CPNE2: variants seen among roughly 807,000 people sequenced by gnomAD.
The protein encoded by CPNE2 is copine-2.
Under a neutral mutation model 69.7 loss-of-function variants are expected in CPNE2, and 42 were observed. The ratio of observed to expected loss-of-function variants is 0.60; its 90% CI spans 0.47 to 0.78. The LOEUF (loss-of-function observed/expected upper bound fraction) is 0.78. Among genes scored for constraint, CPNE2 ranks in the 30% least tolerant of loss-of-function variants. The pLI is 0.00. For synonymous variants in CPNE2, 294 were observed against 289.8 expected, an observed-to-expected ratio of 1.01 and a Z score of -0.15; for missense variants, 587 against 732.0, an observed-to-expected ratio of 0.80 and a Z score of 2.29.
In CPNE2 at chr16:57,121,746, C is replaced by A; in HGVS notation, c.853C>A (p.Leu285Met). 1 of 1,614,192 alleles carries A rather than the reference C, an allele frequency of 6.2e-7. No individual in the cohort carries two copies. The highest frequency in any genetic ancestry group is 8.5e-7 in the Non-Finnish European group (1 of 1,180,038). ...CTATAAAAACTCGGGCATCATCATCCTGCGATCCTGCAAGGTGAACCAGCG... is the reference window on the plus strand; with the variant it reads ...CTATAAAAACTCGGGCATCATCATCATGCGATCCTGCAAGGTGAACCAGCG... ...KNYKNSGIII[L>M]RSCKINRDYS... The change falls in exon 9 of 16, where the codon CTG becomes ATG. Residue 285 changes from leucine (L) to methionine (M), a missense_variant. Around this residue, in one of 5 missense-constraint regions of CPNE2, gnomAD observed 269 missense variants for 300.5 expected, o/e 0.90. Coordinates refer to ENST00000290776, the MANE Select transcript of CPNE2 (RefSeq NM_152727.6).
intron 8 of CPNE2, 36 bp downstream of exon 8, chr16:57,121,227 C>T (rs1229328393): frequency 6.4e-7 from 1 of 1,573,236 alleles, no homozygotes; most frequent in South Asian, 1.1e-5. Context: ...CCCAAGACCT[C>T]AGCAGGGCTG....
rs577857544 is a variant in CPNE2 at position 57,135,395 on chromosome 16, G to A, written c.1168+569G>A. Among the ~76,000 whole-genome samples, 103 of 152,332 alleles carry A rather than the reference G, an allele frequency of 6.8e-4. 1 individual carries two copies. The South Asian group carries it at 0.02, about 30-fold the overall frequency. On this transcript the variant is annotated intron_variant, in intron 13 of 15. Coordinates refer to ENST00000290776, the MANE Select transcript of CPNE2 (RefSeq NM_152727.6). ...GTTAAGAAACTATTAGAGGCCGGAT[G>A]CTGTGGCTCATGCCTGTAATCCCAG...
chr16:57,141,998 T>C (rs1486300810), intron 14 of CPNE2: 1 of 152,262 alleles, frequency 6.6e-6, no homozygotes, highest in Non-Finnish European at 1.5e-5. Flanking sequence ...CCCAGACATA[T>C]GTGCACCGAT....
intron 5 of CPNE2, among the ~76,000 whole-genome samples, chr16:57,118,688 G>GGATA (rs71383224): frequency 3.1e-4 from 47 of 151,028 alleles, no homozygotes; most frequent in African/African-American, 8.3e-4. Flanking sequence ...ATGGATGGAT[G>GGATA]GATAGATAGA....
At position 57,134,942 on chromosome 16, in the gene CPNE2, T is replaced by C. The variant is rs568100717; in HGVS notation, c.1168+116T>C. ...TTTCTTTCTCCTTTCCCCTCCCCCT[T>C]ACTGTTGCTCAGAGTGACAGAGGGG... On this transcript the variant is annotated intron_variant, in intron 13 of 15. Coordinates refer to ENST00000290776, the MANE Select transcript of CPNE2 (RefSeq NM_152727.6). The C allele has an allele frequency of 2.5e-4, 288 of 1,140,020 alleles. 1 individual carries two copies. Among genetic ancestry groups the C allele is most frequent in the Non-Finnish European group, 3.2e-4 (247 of 772,572 alleles). The allele number at this position is 1,140,020 out of a possible 1,614,324, so 70.6% of individuals were successfully genotyped here. A position where few individuals can be genotyped will look rare whatever the true frequency, so the allele number is the denominator to read the frequency against.
At chr16:57,111,441 G>A (rs1209080147) in intron 2 of CPNE2, among the ~76,000 whole-genome samples, 1 of 152,228 alleles carries the variant, frequency 6.6e-6, no homozygotes, top group East Asian at 1.9e-4. Context: ...ACTTCCCAAA[G>A]TGCTGGGATT....
intron 11 of CPNE2, among the ~76,000 whole-genome samples, chr16:57,126,845 C>G (rs1208665874): frequency 6.6e-6 from 1 of 152,166 alleles, no homozygotes; most frequent in African/African-American, 2.4e-5. Context: ...AGCCCATCAC[C>G]GAGCTGTCTA....
chr16:57,121,649 T>A, intron 8 of CPNE2, 25 bp from the exon 9 acceptor site: 3 of 1,610,192 alleles, frequency 1.9e-6, no homozygotes, highest in Non-Finnish European at 2.5e-6. Flanking sequence ...CCGAGGTGAG[T>A]GTCTCTTTCT....
chr16:57,121,202 C>G lies in CPNE2; in HGVS notation c.780+11C>G. The G allele has an allele frequency of 6.2e-7, 1 of 1,610,312 alleles. No homozygotes were observed. The highest frequency in any genetic ancestry group is 8.5e-7 in the Non-Finnish European group (1 of 1,177,248). On this transcript the variant is annotated intron_variant, in intron 8 of 15. Transcript: ENST00000290776. ...CGAGACAGCGTCCCGGTGAGATGGG[C>G]ACGTGTACTGTAACCCCAAGACCTC...
At chr16:57,102,923 G>A (rs1184589871) in intron 1 of CPNE2, among the ~76,000 whole-genome samples, 4 of 151,730 alleles carry the variant, frequency 2.6e-5, no homozygotes, top group South Asian at 4.2e-4. Flanking sequence ...TTTTAACCTC[G>A]CCCCCTTTAT....
chr16:57,127,174 T>G (rs2069806581), intron 11 of CPNE2, among the ~76,000 whole-genome samples: 3 of 152,172 alleles, frequency 2.0e-5, no homozygotes, highest in Non-Finnish European at 4.4e-5. Context: ...AGAGGCATTT[T>G]AGGGTATCAG....
At chr16:57,117,647 C>A in intron 5 of CPNE2, 80 bp downstream of exon 5, 1 of 1,473,814 alleles carries the variant, frequency 6.8e-7, no homozygotes. Context: ...CATTCCGGGA[C>A]CTCGGGCCAC....
chr16:57,133,645 G>A (rs771389335), intron 12 of CPNE2, among the ~76,000 whole-genome samples: 8 of 152,290 alleles, frequency 5.3e-5, no homozygotes, highest in Admixed American at 3.3e-4. Context: ...GCTGAGGACC[G>A]GGGCACCCCT....
chr16:57,108,407 A>G (rs1419565508), intron 1 of CPNE2, among the ~76,000 whole-genome samples: 1 of 151,790 alleles, frequency 6.6e-6, no homozygotes, highest in Non-Finnish European at 1.5e-5. Context: ...GGGCCCACCC[A>G]CCACCCCCAC....
chr16:57,118,415 C>T (rs1014826872), intron 5 of CPNE2, among the ~76,000 whole-genome samples: 4 of 151,622 alleles, frequency 2.6e-5, no homozygotes, highest in African/African-American at 7.2e-5. Flanking sequence ...CCTTGTGATC[C>T]GCCTACCTCG....
intron 1 of CPNE2, among the ~76,000 whole-genome samples, chr16:57,102,776 A>G (rs1184804922): frequency 7.3e-5 from 11 of 151,630 alleles, no homozygotes; most frequent in African/African-American, 2.7e-4. Flanking sequence ...TAATTTTTGT[A>G]TTTTTAGTAG....
At position 57,115,452 on chromosome 16, in the gene CPNE2, C is replaced by T. The variant is rs371227636; in HGVS notation, c.361-24C>T. The T allele has an allele frequency of 6.7e-5, 106 of 1,580,592 alleles. 1 individual carries two copies. Among genetic ancestry groups the T allele is most frequent in the African/African-American group, 2.0e-4 (15 of 73,760 alleles). ...GGGCTTCCCCCGCTTCCTCACTGAG[C>T]GCCCTTTCTCCTCTCTCCCCTAGAT... On this transcript the variant is annotated intron_variant, in intron 3 of 15. Transcript: ENST00000290776.
chr16:57,115,613 A>G (rs2069713571), intron 4 of CPNE2, 63 bp downstream of exon 4: 3 of 1,163,070 alleles, frequency 2.6e-6, no homozygotes, highest in Admixed American at 2.2e-5. Context: ...TCCCCCATCA[A>G]TGGGCCGCTT....
chr16:57,119,140 G>C, intron 5 of CPNE2, 55 bp from the exon 6 acceptor site: 1 of 1,520,760 alleles, frequency 6.6e-7, no homozygotes, highest in Admixed American at 1.7e-5. Context: ...ACCCCCATCT[G>C]CCTGAACCTA....
Sources: allele counts gnomAD v4.1 joint callset (sites outside exome capture counted in the v4.1 genomes callset), GRCh38; gene constraint gnomAD v4.1.1; regional missense constraint gnomAD v4.1.1; transcripts MANE v1.5; gene names NCBI Gene and HGNC (gene_info 2026-07-23, HGNC 2026-07-21).